The following VPS13D variants were observed in gnomAD, a reference collection of about 807,000 sequenced individuals.
VPS13D encodes the protein vacuolar protein sorting 13 homolog D, also known as intermembrane lipid transfer protein VPS13D.
In VPS13D, 187 loss-of-function variants were observed where a neutral mutation model predicts 461.9. The ratio of observed to expected loss-of-function variants is 0.40; its 90% CI spans 0.36 to 0.46. The LOEUF (loss-of-function observed/expected upper bound fraction) is 0.46, where lower values mean the gene tolerates loss of function less well. VPS13D is among the 20% of genes least tolerant of loss of function. The pLI is 0.60. For synonymous variants in VPS13D, 1,951 were observed against 1,986.3 expected, an observed-to-expected ratio of 0.98 and a Z score of 0.47; for missense variants, 4,711 against 5,364.9, an observed-to-expected ratio of 0.88 and a Z score of 3.81.
chr1:12,407,567 C>T (rs11801678), intron 63 of VPS13D, among the ~76,000 whole-genome samples: 12,326 of 152,134 alleles, frequency 0.081, 755 homozygotes, highest in African/African-American at 0.16. Flanking sequence ...CAAGAATAAG[C>T]CCTGTTTGGC....
chr1:12,259,530 C>T (rs1569714274), intron 10 of VPS13D, among the ~76,000 whole-genome samples: 1 of 152,128 alleles, frequency 6.6e-6, no homozygotes, highest in Admixed American at 6.6e-5. Context: ...TCTGGAACTC[C>T]TGGGCTCAAG....
intron 15 of VPS13D, 104 bp downstream of exon 15, chr1:12,268,024 T>C: frequency 1.7e-5 from 16 of 936,636 alleles, no homozygotes; most frequent in Non-Finnish European, 2.4e-5. Flanking sequence ...TGCAGTGGTG[T>C]GATCTTGGCT....
In VPS13D at chr1:12,345,032, G is replaced by A. The variant is rs1643644938; in HGVS notation, c.8886-342G>A. 3 of 187,126 alleles carry A rather than the reference G, an allele frequency of 1.6e-5. No individual in the cohort carries two copies. The East Asian group carries it at 3.7e-4, about 23-fold the overall frequency. 11.6% of individuals were successfully genotyped at this position (187,126 alleles called of 1,614,324 possible). A position where few individuals can be genotyped will look rare whatever the true frequency, so the allele number is the denominator to read the frequency against. ...AAGAGTATGGTTATATGATTAAATCGCTACTGCATTTTTACCACCCCAGTG... is the reference window on the plus strand; with the variant it reads ...AAGAGTATGGTTATATGATTAAATCACTACTGCATTTTTACCACCCCAGTG... On this transcript the variant is annotated intron_variant, in intron 42 of 69. Transcript: ENST00000620676.
rs767351187 is a variant in VPS13D at position 12,276,759 on chromosome 1, A to G, written c.3171A>G (p.Thr1057=). The G allele has an allele frequency of 7.4e-6, 12 of 1,614,074 alleles. No homozygotes were observed. In the South Asian group the frequency reaches 1.2e-4, roughly 16 times the overall value. Residue 1057 remains threonine, a synonymous_variant, in exon 19 of 70, where the codon ACA becomes ACG. Coordinates refer to ENST00000620676, the MANE Select transcript of VPS13D (RefSeq NM_015378.4). The surrounding 1 kb of genome is among the most constrained non-coding windows in gnomAD (Gnocchi z 4.5). ...PNVAHLTDGA[T]LNDRSATSVS... ...TGGCCCACTTAACTGATGGAGCTAC[A>G]CTGAACGACCGATCAGCTACTAGTG...
chr1:12,260,240 T>C (rs982608929), intron 10 of VPS13D, among the ~76,000 whole-genome samples: 18 of 151,994 alleles, frequency 1.2e-4, no homozygotes, highest in Non-Finnish European at 2.4e-4. Flanking sequence ...TTAGCCAGGA[T>C]GGTCTCAATC....
intron 54 of VPS13D, among the ~76,000 whole-genome samples, chr1:12,372,150 ATCAAACGG>A (rs1644128322): frequency 6.6e-6 from 1 of 151,994 alleles, no homozygotes; most frequent in Admixed American, 6.5e-5. Context: ...ACCTCCTAGG[ATCAAACGG>A]TCCTCCTGCT....
intron 60 of VPS13D, among the ~76,000 whole-genome samples, chr1:12,399,173 A>T (rs1363132824): frequency 6.6e-6 from 1 of 152,104 alleles, no homozygotes; most frequent in Admixed American, 6.5e-5. Context: ...TGTGGACTTA[A>T]AAAATTACTT....
Position 12,299,446 on chromosome 1 carries a change from T to A in VPS13D, c.6216+62T>A, listed in dbSNP as rs1202889940. The A allele has an allele frequency of 1.3e-6, 2 of 1,523,542 alleles. No homozygotes were observed. Among genetic ancestry groups the A allele is most frequent in the South Asian group, 2.6e-5 (2 of 75,742 alleles). 94.4% of individuals were successfully genotyped at this position (1,523,542 alleles called of 1,614,324 possible). ...TAGTATTTGATCACTAATTGAAAAA[T>A]TTGTATGCTGCTGTAAGATGATCCA... On this transcript the variant is annotated intron_variant, in intron 25 of 69. Coordinates refer to ENST00000620676, the MANE Select transcript of VPS13D (RefSeq NM_015378.4). This position sits in a 1 kb window ranked among gnomAD's most constrained non-coding sequence, Gnocchi z 4.2.
intron 34 of VPS13D, 44 bp from the exon 35 acceptor site, chr1:12,323,662 T>C (rs759575207): frequency 1.3e-6 from 2 of 1,559,188 alleles, no homozygotes; most frequent in South Asian, 1.1e-5. Context: ...TAGATTAATT[T>C]ACATAAAATT....
intron 67 of VPS13D, among the ~76,000 whole-genome samples, chr1:12,490,789 A>G (rs1178121400): frequency 6.6e-6 from 1 of 151,618 alleles, no homozygotes. Context: ...GATGCAGCCC[A>G]CGGCATGGTG....
At chr1:12,262,197 G>A (rs1482224489) in intron 13 of VPS13D, 117 bp downstream of exon 13, 8 of 1,126,762 alleles carry the variant, frequency 7.1e-6, no homozygotes, top group Non-Finnish European at 8.6e-6. Context: ...AACTGTATTA[G>A]CTAATGTGGA....
At chr1:12,339,867 C>T (rs1643530168) in intron 40 of VPS13D, among the ~76,000 whole-genome samples, 1 of 152,182 alleles carries the variant, frequency 6.6e-6, no homozygotes, top group Non-Finnish European at 1.5e-5. Context: ...TGTATGGATT[C>T]GCAGCACTTT....
intron 63 of VPS13D, among the ~76,000 whole-genome samples, chr1:12,414,694 G>T (rs1490953164): frequency 6.6e-6 from 1 of 152,128 alleles, no homozygotes; most frequent in Admixed American, 6.5e-5. Flanking sequence ...TCTGGTGGTG[G>T]TTACATTATT....
chr1:12,260,828 C>T (rs1278602841), intron 11 of VPS13D, 34 bp downstream of exon 11: 9 of 1,609,038 alleles, frequency 5.6e-6, no homozygotes, highest in Non-Finnish European at 6.8e-6. Flanking sequence ...TTTGTTCAGA[C>T]CCAGCACACC....
intron 69 of VPS13D, among the ~76,000 whole-genome samples, chr1:12,508,542 TAAAAAAA>T (rs540771447): frequency 1.7e-5 from 2 of 116,272 alleles, no homozygotes; most frequent in African/African-American, 6.4e-5. Flanking sequence ...CATCTCTACT[TAAAAAAA>T]AAAAAAAAAA....
At chr1:12,415,318 C>A (rs1385174940) in intron 64 of VPS13D, 97 bp downstream of exon 64, 2 of 1,482,652 alleles carry the variant, frequency 1.3e-6, no homozygotes, top group African/African-American at 1.4e-5. Context: ...CTATTGAGAA[C>A]CCAGTTAAAC....
chr1:12,394,891 A>G (rs999188667), intron 60 of VPS13D, among the ~76,000 whole-genome samples: 1 of 152,208 alleles, frequency 6.6e-6, no homozygotes, highest in Non-Finnish European at 1.5e-5. Context: ...GCCCAGATCA[A>G]TAAATCCTGA....
At chr1:12,374,464 G>T (rs923053644) in intron 55 of VPS13D, among the ~76,000 whole-genome samples, 33 of 152,180 alleles carry the variant, frequency 2.2e-4, no homozygotes, top group Admixed American at 5.9e-4. Flanking sequence ...AAGTGGGGCT[G>T]TGATGTTGAT....
chr1:12,448,585 A>G (rs1402534028), intron 65 of VPS13D, among the ~76,000 whole-genome samples: 1 of 152,208 alleles, frequency 6.6e-6, no homozygotes, highest in Non-Finnish European at 1.5e-5. Flanking sequence ...GCAGGACACA[A>G]TTCCATCCAC....
Sources: gnomAD v4.1 joint callset for allele counts (sites outside exome capture counted in the v4.1 genomes callset) on GRCh38, gnomAD v4.1.1 for gene constraint, Gnocchi (gnomAD v3.1) non-coding constraint, MANE v1.5 for transcripts, NCBI Gene and HGNC (gene_info 2026-07-23, HGNC 2026-07-21) for gene names.